The following NELL1 variants were observed in gnomAD, a reference collection of about 807,000 sequenced individuals.
The protein encoded by NELL1 is protein kinase C-binding protein NELL1.
In NELL1, 76 loss-of-function variants were observed where a neutral mutation model predicts 107.4. That is an observed-to-expected ratio of 0.71 (90% CI 0.59 to 0.86). The LOEUF (loss-of-function observed/expected upper bound fraction) is 0.86, where lower values mean the gene tolerates loss of function less well. Among genes scored for constraint, NELL1 ranks in the 40% least tolerant of loss-of-function variants. NELL1 has a pLI of 0.00. For missense variants in NELL1, 1,024 were observed against 1,005.5 expected, an observed-to-expected ratio of 1.02 and a Z score of -0.25; for synonymous variants, 353 against 341.2, an observed-to-expected ratio of 1.03 and a Z score of -0.38.
intron 12 of NELL1, among the ~76,000 whole-genome samples, chr11:21,103,234 C>T (rs572900088): frequency 6.6e-6 from 1 of 152,230 alleles, no homozygotes; most frequent in South Asian, 2.1e-4. Flanking sequence ...AGATCTAAAC[C>T]TCTGGCACCA....
chr11:20,829,114 A>AT (rs1216398464), intron 3 of NELL1, among the ~76,000 whole-genome samples: 1 of 152,192 alleles, frequency 6.6e-6, no homozygotes, highest in African/African-American at 2.4e-5. Context: ...AGTTGCAAAA[A>AT]TGATACAGCA....
At chr11:21,336,930 G>A (rs192919576) in intron 14 of NELL1, among the ~76,000 whole-genome samples, 1 of 151,928 alleles carries the variant, frequency 6.6e-6, no homozygotes, top group Admixed American at 6.6e-5. Flanking sequence ...AGAGATACCT[G>A]GGTTGAATTT....
At chr11:20,852,550 T>G (rs1396545322) in intron 4 of NELL1, among the ~76,000 whole-genome samples, 1 of 152,214 alleles carries the variant, frequency 6.6e-6, no homozygotes, top group Non-Finnish European at 1.5e-5. Flanking sequence ...TAACCTTGTA[T>G]TTTTTGAGGT....
chr11:21,570,235 G>C (rs936089993), intron 17 of NELL1, among the ~76,000 whole-genome samples: 1 of 151,880 alleles, frequency 6.6e-6, no homozygotes, highest in Middle Eastern at 3.4e-3. Flanking sequence ...AACAATTGGT[G>C]GTGCTGCTTG....
chr11:21,312,729 C>A (rs954602748), intron 14 of NELL1, among the ~76,000 whole-genome samples: 1 of 152,080 alleles, frequency 6.6e-6, no homozygotes, highest in African/African-American at 2.4e-5. Flanking sequence ...ACTACACATA[C>A]CTTTGCATGC....
chr11:20,780,652 T>C (rs1856833577), intron 2 of NELL1, among the ~76,000 whole-genome samples: 1 of 152,190 alleles, frequency 6.6e-6, no homozygotes, highest in South Asian at 2.1e-4. Flanking sequence ...ACATATATTA[T>C]GACAAGTCAA....
chr11:21,184,301 C>T (rs1856888170), intron 13 of NELL1, among the ~76,000 whole-genome samples: 1 of 151,804 alleles, frequency 6.6e-6, no homozygotes, highest in African/African-American at 2.4e-5. Flanking sequence ...TGGAGTCTTG[C>T]TTTTTCACCC....
chr11:21,210,230 C>G (rs1857470675), intron 13 of NELL1, among the ~76,000 whole-genome samples: 1 of 152,012 alleles, frequency 6.6e-6, no homozygotes, highest in African/African-American at 2.4e-5. Context: ...TTTATGTTTT[C>G]ACTTCTCTTG....
intron 15 of NELL1, among the ~76,000 whole-genome samples, chr11:21,507,890 C>T (rs1354229248): frequency 6.6e-6 from 1 of 151,762 alleles, no homozygotes; most frequent in Non-Finnish European, 1.5e-5. Flanking sequence ...CAGCGATTCT[C>T]CTGCCTCAGC....
At chr11:20,743,442 C>T (rs933536924) in intron 2 of NELL1, among the ~76,000 whole-genome samples, 5 of 152,144 alleles carry the variant, frequency 3.3e-5, no homozygotes, top group African/African-American at 1.2e-4. Context: ...CCAAACCCAA[C>T]CCTACTTTCT....
intron 13 of NELL1, among the ~76,000 whole-genome samples, chr11:21,198,110 A>C (rs1044658425): frequency 6.6e-6 from 1 of 152,162 alleles, no homozygotes; most frequent in Non-Finnish European, 1.5e-5. Flanking sequence ...CTTTCCACAT[A>C]TGTCAGGCTC....
At chr11:21,546,189 C>G (rs1444506308) in intron 16 of NELL1, among the ~76,000 whole-genome samples, 9 of 151,974 alleles carry the variant, frequency 5.9e-5, no homozygotes, top group African/African-American at 9.7e-5. Context: ...TCTGATTTAA[C>G]TTATAAGTAT....
chr11:21,100,886 C>T (rs925387212), intron 12 of NELL1, among the ~76,000 whole-genome samples: 14 of 152,018 alleles, frequency 9.2e-5, no homozygotes, highest in South Asian at 4.2e-4. Flanking sequence ...ATGTGCACAA[C>T]GTGCAGGCTA....
intron 14 of NELL1, among the ~76,000 whole-genome samples, chr11:21,338,182 T>C (rs1850480221): frequency 6.6e-6 from 1 of 152,160 alleles, no homozygotes; most frequent in African/African-American, 2.4e-5. Context: ...GCCGGTGTCA[T>C]GCAATTTCGA....
intron 15 of NELL1, among the ~76,000 whole-genome samples, chr11:21,378,029 C>T (rs1424094158): frequency 1.3e-5 from 2 of 151,930 alleles, no homozygotes; most frequent in Admixed American, 1.3e-4. Context: ...AGCAGTACAC[C>T]TCCAGCTGTG....
At chr11:20,914,086 A>G (rs1437647669) in intron 5 of NELL1, among the ~76,000 whole-genome samples, 1 of 152,112 alleles carries the variant, frequency 6.6e-6, no homozygotes, top group African/African-American at 2.4e-5. Context: ...TACCTACAGC[A>G]TATTGTAGTG....
intron 12 of NELL1, among the ~76,000 whole-genome samples, chr11:20,989,472 T>C (rs151193771): frequency 6.7e-4 from 102 of 152,334 alleles, no homozygotes; most frequent in Non-Finnish European, 1.3e-3. Flanking sequence ...TTGTTACCCT[T>C]TCTGTTCCAT....
At chr11:20,998,929 A>G (rs1009477684) in intron 12 of NELL1, among the ~76,000 whole-genome samples, 1 of 152,202 alleles carries the variant, frequency 6.6e-6, no homozygotes. Flanking sequence ...TACATTTTCA[A>G]TAGGAATCAG....
chr11:21,145,913 T>A (rs1855968186), intron 13 of NELL1, among the ~76,000 whole-genome samples: 1 of 152,186 alleles, frequency 6.6e-6, no homozygotes, highest in South Asian at 2.1e-4. Flanking sequence ...TTTATGTCTT[T>A]CCCTCATTCT....
Sources: gnomAD v4.1 joint callset for allele counts (sites outside exome capture counted in the v4.1 genomes callset) on GRCh38, gnomAD v4.1.1 for gene constraint, MANE v1.5 for transcripts, NCBI Gene and HGNC (gene_info 2026-07-23, HGNC 2026-07-21) for gene names.